The following ATRNL1 variants were observed in gnomAD, a reference collection of about 807,000 sequenced individuals.
The protein encoded by ATRNL1 is attractin-like protein 1.
Under a neutral mutation model 182.7 loss-of-function variants are expected in ATRNL1, and 95 were observed. The observed-to-expected ratio is 0.52, with a 90% CI of 0.44 to 0.62. The LOEUF is 0.62. ATRNL1 is among the 20% of genes least tolerant of loss of function. The pLI is 0.00. For missense variants in ATRNL1, 1,471 were observed against 1,679.5 expected (o/e 0.88, Z 2.17); for synonymous variants, 576 against 568.3 (o/e 1.01, Z -0.19).
chr10:115,267,416 T>C (rs1269321458), intron 12 of ATRNL1, among the ~76,000 whole-genome samples: 3 of 151,678 alleles, frequency 2.0e-5, no homozygotes, highest in Non-Finnish European at 2.9e-5. Flanking sequence ...AGTAAAAAAA[T>C]GTTACAGCAT....
intron 26 of ATRNL1, among the ~76,000 whole-genome samples, chr10:115,686,375 C>T (rs1354916808): frequency 6.6e-6 from 1 of 151,990 alleles, no homozygotes; most frequent in Admixed American, 6.6e-5. Context: ...TTGAGCTACA[C>T]CTACTTAGAA....
intron 18 of ATRNL1, among the ~76,000 whole-genome samples, chr10:115,321,690 T>A (rs1163196074): frequency 6.7e-6 from 1 of 149,410 alleles, no homozygotes; most frequent in African/African-American, 2.5e-5. Context: ...TTTTTTTTTT[T>A]AAAGAACTGG....
At chr10:115,587,395 G>A (rs1298101303) in intron 26 of ATRNL1, among the ~76,000 whole-genome samples, 1 of 151,806 alleles carries the variant, frequency 6.6e-6, no homozygotes, top group Non-Finnish European at 1.5e-5. Flanking sequence ...AGACTGCTGT[G>A]CTAGCAATCA....
At chr10:115,562,408 AC>A (rs1207654567) in intron 26 of ATRNL1, among the ~76,000 whole-genome samples, 1 of 152,154 alleles carries the variant, frequency 6.6e-6, no homozygotes, top group Non-Finnish European at 1.5e-5. Context: ...TAATTGTTGT[AC>A]AGCTTTATGA....
chr10:115,140,972 A>G (rs1374263819), intron 5 of ATRNL1, among the ~76,000 whole-genome samples: 4 of 152,118 alleles, frequency 2.6e-5, no homozygotes, highest in Non-Finnish European at 5.9e-5. Flanking sequence ...TTCATATTCT[A>G]AGTCCAGGTC....
intron 20 of ATRNL1, among the ~76,000 whole-genome samples, chr10:115,413,626 G>A (rs1381942344): frequency 1.3e-5 from 2 of 151,974 alleles, no homozygotes; most frequent in African/African-American, 2.4e-5. Context: ...CCAAGATTTG[G>A]CCAGTAGGAG....
chr10:115,111,005 A>G (rs72836551), intron 1 of ATRNL1, among the ~76,000 whole-genome samples: 2,347 of 152,302 alleles, frequency 0.015, 37 homozygotes, highest in Non-Finnish European at 0.024. Context: ...ATTTGACCCT[A>G]TTTGATGCAC....
intron 15 of ATRNL1, 116 bp from the exon 16 acceptor site, chr10:115,299,918 G>A: frequency 2.9e-6 from 2 of 695,162 alleles, no homozygotes; most frequent in East Asian, 2.8e-5. Context: ...TCATTAGAAA[G>A]GCAGCTTTAT....
intron 1 of ATRNL1, among the ~76,000 whole-genome samples, chr10:115,104,585 G>A (rs1843919214): frequency 6.6e-6 from 1 of 152,042 alleles, no homozygotes; most frequent in Non-Finnish European, 1.5e-5. Flanking sequence ...TTGGTTGCCT[G>A]TACTTGTGGG....
chr10:115,490,285 G>A (rs1229424115), intron 24 of ATRNL1, among the ~76,000 whole-genome samples: 3 of 152,106 alleles, frequency 2.0e-5, no homozygotes, highest in Admixed American at 6.5e-5. Context: ...TTGCTAGGTC[G>A]GGGCAGTTCT....
intron 10 of ATRNL1, among the ~76,000 whole-genome samples, chr10:115,250,520 T>C (rs1850830629): frequency 6.6e-6 from 1 of 152,186 alleles, no homozygotes; most frequent in Non-Finnish European, 1.5e-5. Context: ...AGCAGAGCTA[T>C]TTCCTACCCT....
chr10:115,573,398 T>A (rs1555004075), intron 26 of ATRNL1, among the ~76,000 whole-genome samples: 1 of 151,772 alleles, frequency 6.6e-6, no homozygotes, highest in East Asian at 2.0e-4. Context: ...ATGTCCTCAC[T>A]TGCTGGTCTG....
intron 26 of ATRNL1, among the ~76,000 whole-genome samples, chr10:115,666,648 A>G (rs1352704673): frequency 1.3e-5 from 2 of 152,182 alleles, no homozygotes; most frequent in Non-Finnish European, 2.9e-5. Context: ...ACATATGGCT[A>G]TTTAAAGTTA....
At chr10:115,910,346 A>G (rs1555115608) in intron 28 of ATRNL1, among the ~76,000 whole-genome samples, 2 of 152,126 alleles carry the variant, frequency 1.3e-5, no homozygotes, top group Non-Finnish European at 2.9e-5. Flanking sequence ...TTCTGAGTGG[A>G]TGAATTTTTA....
intron 26 of ATRNL1, among the ~76,000 whole-genome samples, chr10:115,696,129 AGCTCGTGATCCG>A (rs1946551124): frequency 2.7e-5 from 3 of 111,698 alleles, no homozygotes; most frequent in Non-Finnish European, 7.0e-5. Flanking sequence ...CGATCTCCTG[AGCTCGTGATCCG>A]CCTGCCTTGG....
intron 24 of ATRNL1, among the ~76,000 whole-genome samples, chr10:115,475,070 A>G (rs541664181): frequency 6.6e-6 from 1 of 151,472 alleles, no homozygotes; most frequent in Non-Finnish European, 1.5e-5. Context: ...ATTTTCAGTT[A>G]TGTCTGTGAA....
At chr10:115,888,191 G>C (rs536296797) in intron 28 of ATRNL1, among the ~76,000 whole-genome samples, 2 of 152,186 alleles carry the variant, frequency 1.3e-5, no homozygotes, top group African/African-American at 4.8e-5. Context: ...AACTTCTATT[G>C]TTCCTTAGAT....
chr10:115,374,453 T>TTTCCTTCCTTCCTTCCTTCCTTCCTTCC (rs149427595), intron 19 of ATRNL1, among the ~76,000 whole-genome samples: 136 of 135,880 alleles, frequency 1.0e-3, no homozygotes, highest in African/African-American at 3.6e-3. Flanking sequence ...CCTTCCTTCC[T>TTTCCTTCCTTCCTTCCTTCCTTCCTTCC]TTCCTTCCTT....
intron 28 of ATRNL1, among the ~76,000 whole-genome samples, chr10:115,867,976 C>G (rs1426048704): frequency 3.9e-5 from 6 of 151,964 alleles, no homozygotes; most frequent in African/African-American, 1.5e-4. Flanking sequence ...GTTGGTGAGG[C>G]TGGTCTCGAA....
Sources: allele counts gnomAD v4.1 joint callset (sites outside exome capture counted in the v4.1 genomes callset), GRCh38; gene constraint gnomAD v4.1.1; transcripts MANE v1.5; gene names NCBI Gene and HGNC (gene_info 2026-07-23, HGNC 2026-07-21).